STIM1: variants seen among roughly 807,000 people sequenced by gnomAD.
STIM1 encodes stromal interaction molecule 1.
A neutral mutation model predicts 74.7 loss-of-function variants in STIM1; 25 were observed. The ratio of observed to expected loss-of-function variants is 0.33; its 90% CI spans 0.24 to 0.47. The LOEUF (loss-of-function observed/expected upper bound fraction) is 0.47. Ranked by LOEUF, STIM1 falls within the 20% of genes least tolerant of loss-of-function variation. The pLI is 1.00. For synonymous variants in STIM1, 328 were observed against 348.8 expected (o/e 0.94, Z 0.66); for missense variants, 728 against 920.8 (o/e 0.79, Z 2.71).
intron 2 of STIM1, among the ~76,000 whole-genome samples, chr11:3,967,920 A>G (rs137866611): frequency 8.2e-4 from 125 of 152,200 alleles, no homozygotes; most frequent in Non-Finnish European, 1.4e-3. Flanking sequence ...CCTACTGGCT[A>G]GTTGTGTAAC....
At chr11:4,041,294 G>T (rs1411537772) in intron 3 of STIM1, among the ~76,000 whole-genome samples, 1 of 152,102 alleles carries the variant, frequency 6.6e-6, no homozygotes, top group Non-Finnish European at 1.5e-5. Context: ...AGCCCTTGAG[G>T]CTGGAGTTCA....
In STIM1 at chr11:4,090,337, T is replaced by G. The variant is rs568530810; in HGVS notation, c.1635-945T>G. On this transcript the variant is annotated intron_variant, in intron 12 of 12. Transcript: ENST00000526596. ...ATCACACAGGAGTCCAGACCTCTTC[T>G]GAACCACTGCTCTTTAAAGGCCAAC... Among the ~76,000 whole-genome samples, 3 of 152,220 alleles carry G rather than the reference T, an allele frequency of 2.0e-5. No individual in the cohort carries two copies. In the South Asian group the frequency reaches 6.2e-4, roughly 32 times the overall value.
chr11:3,983,476 A>C (rs2093527130), intron 2 of STIM1, among the ~76,000 whole-genome samples: 2 of 151,886 alleles, frequency 1.3e-5, no homozygotes, highest in Non-Finnish European at 2.9e-5. Flanking sequence ...TTTTGTAGTT[A>C]GTACTGCTTC....
chr11:3,862,110 A>T lies in STIM1; in HGVS notation c.139+5701A>T, dbSNP rs564623216. ...GTTGCTGTTGTTGTTACTGTTGATT[A>T]AAAAAATCATGAAATATTAAGATAT... On this transcript the variant is annotated intron_variant, in intron 1 of 12. Transcript: ENST00000526596. Among the ~76,000 whole-genome samples, 29 of 152,244 alleles carry T rather than the reference A, an allele frequency of 1.9e-4. No individual in the cohort carries two copies. In the East Asian group the frequency reaches 5.6e-3, roughly 29 times the overall value.
At chr11:3,986,405 T>C (rs948250504) in intron 2 of STIM1, among the ~76,000 whole-genome samples, 9 of 152,170 alleles carry the variant, frequency 5.9e-5, no homozygotes, top group African/African-American at 2.2e-4. Context: ...TTCTTTTAAC[T>C]TGAGCAAATG....
At chr11:3,907,570 C>A (rs2092486598) in intron 1 of STIM1, among the ~76,000 whole-genome samples, 1 of 152,228 alleles carries the variant, frequency 6.6e-6, no homozygotes, top group Admixed American at 6.5e-5. Context: ...ACTGATTGCC[C>A]TGCTTTTGCC....
At chr11:4,005,335 A>C (rs542382022) in intron 2 of STIM1, among the ~76,000 whole-genome samples, 1 of 152,298 alleles carries the variant, frequency 6.6e-6, no homozygotes, top group African/African-American at 2.4e-5. Flanking sequence ...AACCAACCCA[A>C]ATGTCCAACA....
At chr11:3,902,068 C>T (rs550447162) in intron 1 of STIM1, among the ~76,000 whole-genome samples, 1 of 152,254 alleles carries the variant, frequency 6.6e-6, no homozygotes, top group African/African-American at 2.4e-5. Flanking sequence ...GTGGCTGGCC[C>T]CCAACATTTC....
chr11:3,933,878 A>G (rs189969843), intron 1 of STIM1, among the ~76,000 whole-genome samples: 12 of 152,300 alleles, frequency 7.9e-5, no homozygotes, highest in African/African-American at 2.9e-4. Context: ...ATGAGTTTGA[A>G]TGAAAAAGGC....
At chr11:3,886,929 G>A (rs982742714) in intron 1 of STIM1, among the ~76,000 whole-genome samples, 2 of 151,896 alleles carry the variant, frequency 1.3e-5, no homozygotes, top group Non-Finnish European at 2.9e-5. Context: ...TTTTCACTCA[G>A]GAGGCGGAGG....
intron 1 of STIM1, among the ~76,000 whole-genome samples, chr11:3,892,024 A>G (rs1330524161): frequency 1.3e-5 from 2 of 152,276 alleles, no homozygotes; most frequent in African/African-American, 2.4e-5. Context: ...CAGAGTGTCT[A>G]AGGACAAAAT....
chr11:3,953,815 C>T (rs762513109), intron 1 of STIM1, among the ~76,000 whole-genome samples: 10 of 131,180 alleles, frequency 7.6e-5, no homozygotes, highest in Non-Finnish European at 1.6e-4. Flanking sequence ...CAGGGTCTTG[C>T]TCTGTTGCTG....
At position 4,092,471 on chromosome 11, in the gene STIM1, A is replaced by G. The variant is rs1320733639; in HGVS notation, c.*673A>G. ...GGCTTGGGAATGGGTTGGGAGAGGCATCTGTTCATTGGAGCATGAGTGGAT... is the reference window on the plus strand; with the variant it reads ...GGCTTGGGAATGGGTTGGGAGAGGCGTCTGTTCATTGGAGCATGAGTGGAT... On this transcript the variant is annotated 3_prime_UTR_variant, in exon 13 of 13. Coordinates refer to ENST00000526596, the MANE Select transcript of STIM1 (RefSeq NM_001382567.1). 6.3e-6 allele frequency: 1 copy of G among 159,464 alleles called. No individual in the cohort carries two copies. The allele number at this position is 159,464 out of a possible 1,614,324, so 9.9% of individuals were successfully genotyped here.
chr11:3,932,692 GA>G (rs2092883560), intron 1 of STIM1, among the ~76,000 whole-genome samples: 1 of 141,732 alleles, frequency 7.1e-6, no homozygotes, highest in Non-Finnish European at 1.5e-5. Flanking sequence ...AAAAAGAAAA[GA>G]AAAGAGACCC....
intron 7 of STIM1, among the ~76,000 whole-genome samples, chr11:4,078,058 T>C (rs188565156): frequency 1.6e-3 from 242 of 152,354 alleles, no homozygotes; most frequent in African/African-American, 5.4e-3. Flanking sequence ...TTGCCATTTA[T>C]GTCTAATAAT....
At chr11:3,990,118 GACATTT>G (rs1291551490) in intron 2 of STIM1, among the ~76,000 whole-genome samples, 1 of 152,118 alleles carries the variant, frequency 6.6e-6, no homozygotes, top group Non-Finnish European at 1.5e-5. Context: ...GCCTATTACG[GACATTT>G]CATGTAAATT....
chr11:3,909,500 C>A (rs983158006), intron 1 of STIM1, among the ~76,000 whole-genome samples: 1 of 152,012 alleles, frequency 6.6e-6, no homozygotes, highest in Non-Finnish European at 1.5e-5. Flanking sequence ...AGTAATATGA[C>A]AGAAGTAGAA....
At chr11:4,017,974 C>T (rs1258529882) in intron 2 of STIM1, among the ~76,000 whole-genome samples, 1 of 152,170 alleles carries the variant, frequency 6.6e-6, no homozygotes. Context: ...TGTTCAAATC[C>T]CTGTAACAGC....
At chr11:4,042,307 A>G (rs566069687) in intron 3 of STIM1, among the ~76,000 whole-genome samples, 14 of 152,308 alleles carry the variant, frequency 9.2e-5, no homozygotes, top group African/African-American at 3.1e-4. Context: ...TCACTTCATC[A>G]GAGAGGCCTT....
Sources: gnomAD v4.1 joint callset for allele counts (sites outside exome capture counted in the v4.1 genomes callset) on GRCh38, gnomAD v4.1.1 for gene constraint, MANE v1.5 for transcripts, NCBI Gene and HGNC (gene_info 2026-07-23, HGNC 2026-07-21) for gene names.